ASCC3: variants seen among roughly 807,000 people sequenced by gnomAD.
The protein encoded by ASCC3 is ASC-1 complex subunit P200.
ASCC3 carries 158 observed loss-of-function variants against 256.3 expected under a neutral mutation model. The ratio of observed to expected loss-of-function variants is 0.62; its 90% CI spans 0.54 to 0.70. The LOEUF is 0.70. ASCC3 is among the 30% of genes least tolerant of loss of function. The probability of loss-of-function intolerance (pLI) is 0.00; values close to 1 mark genes in which losing one functional copy is unlikely to be tolerated. For missense variants in ASCC3, 2,259 were observed against 2,626.0 expected (o/e 0.86, Z 3.05); for synonymous variants, 948 against 883.4 (o/e 1.07, Z -1.30).
intron 2 of ASCC3, among the ~76,000 whole-genome samples, chr6:100,865,537 C>T (rs573643970): frequency 6.6e-6 from 1 of 152,066 alleles, no homozygotes; most frequent in South Asian, 2.1e-4. Context: ...AGAAGGTTAA[C>T]TGTTTTGTAT....
Position 100,518,287 on chromosome 6 carries a change from A to G in ASCC3, c.5776-145T>C, listed in dbSNP as rs1054564056. On this transcript the variant is annotated intron_variant, in intron 37 of 41. Coordinates refer to ENST00000369162, the MANE Select transcript of ASCC3 (RefSeq NM_006828.4). Reference sequence around the variant, plus strand: ...CTATTCATCAACATAGAAACCAGAAAATAAATCACAGTTGGATTGCAGGGA... The same window carrying G: ...CTATTCATCAACATAGAAACCAGAAGATAAATCACAGTTGGATTGCAGGGA... The G allele has an allele frequency of 4.4e-6, 4 of 909,574 alleles. No individual in the cohort carries two copies. In the African/African-American group the frequency reaches 6.6e-5, roughly 15 times the overall value. 56.3% of individuals were successfully genotyped at this position (909,574 alleles called of 1,614,324 possible).
chr6:100,856,993 ATAG>A (rs1448615618), intron 3 of ASCC3: 2 of 152,162 alleles, frequency 1.3e-5, no homozygotes, highest in Non-Finnish European at 2.9e-5. Context: ...ACAGTAGGTA[ATAG>A]TAGACACTGT....
Position 100,627,478 on chromosome 6 carries a change from C to T in ASCC3, c.4642+112G>A, listed in dbSNP as rs2134044. ...GTTGAGACAAACAGTTTTAGATATACGTAGAAGCTGGACCAGTATCATCCT... is the reference window on the plus strand; with the variant it reads ...GTTGAGACAAACAGTTTTAGATATATGTAGAAGCTGGACCAGTATCATCCT... On this transcript the variant is annotated intron_variant, in intron 29 of 41. Transcript: ENST00000369162. The T allele has an allele frequency of 3.4e-5, 47 of 1,367,856 alleles. No individual in the cohort carries two copies. In the Admixed American group the frequency reaches 5.3e-4, roughly 16 times the overall value. The allele number at this position is 1,367,856 out of a possible 1,614,324, so 84.7% of individuals were successfully genotyped here.
intron 4 of ASCC3, among the ~76,000 whole-genome samples, chr6:100,826,141 T>C (rs1234520079): frequency 6.6e-6 from 1 of 152,044 alleles, no homozygotes; most frequent in Non-Finnish European, 1.5e-5. Flanking sequence ...GTACTTTTTT[T>C]TTCATTTTTT....
At chr6:100,650,075 C>T (rs1048743789) in intron 20 of ASCC3, among the ~76,000 whole-genome samples, 5 of 151,550 alleles carry the variant, frequency 3.3e-5, no homozygotes, top group South Asian at 2.1e-4. Flanking sequence ...TCACACTGAA[C>T]GTATGGTAGG....
At chr6:100,631,250 A>G (rs1409847021) in intron 25 of ASCC3, 37 bp from the exon 26 acceptor site, 1 of 1,467,384 alleles carries the variant, frequency 6.8e-7, no homozygotes, top group East Asian at 2.3e-5. Flanking sequence ...ACTCTTATGA[A>G]AATAGTGATA....
At chr6:100,770,842 C>CTT (rs34601702) in intron 8 of ASCC3, among the ~76,000 whole-genome samples, 8 of 141,886 alleles carry the variant, frequency 5.6e-5, no homozygotes, top group East Asian at 2.1e-4. Flanking sequence ...CTTAAGATGT[C>CTT]TTTTTTTTTT....
intron 3 of ASCC3, among the ~76,000 whole-genome samples, chr6:100,853,873 C>G (rs995169224): frequency 6.6e-6 from 1 of 152,082 alleles, no homozygotes; most frequent in African/African-American, 2.4e-5. Context: ...TTTTCTTTTA[C>G]AAATATGTAA....
chr6:100,512,038 A>T (rs1773790514), intron 40 of ASCC3, among the ~76,000 whole-genome samples: 1 of 152,162 alleles, frequency 6.6e-6, no homozygotes, highest in Non-Finnish European at 1.5e-5. Flanking sequence ...CTGTGTACTA[A>T]TATTCTTAGA....
intron 36 of ASCC3, among the ~76,000 whole-genome samples, chr6:100,567,498 A>G (rs1247620520): frequency 6.6e-6 from 1 of 152,140 alleles, no homozygotes; most frequent in Non-Finnish European, 1.5e-5. Context: ...AGGTTTGGGT[A>G]TGAATGATTC....
At chr6:100,588,222 G>A (rs1454950006) in intron 36 of ASCC3, among the ~76,000 whole-genome samples, 1 of 152,152 alleles carries the variant, frequency 6.6e-6, no homozygotes, top group African/African-American at 2.4e-5. Flanking sequence ...TTAATTTAAA[G>A]TTCTTAATGT....
At chr6:100,677,357 CCCTAAGGT>C in intron 14 of ASCC3, among the ~76,000 whole-genome samples, 1 of 144,482 alleles carries the variant, frequency 6.9e-6, no homozygotes, top group South Asian at 2.3e-4. Flanking sequence ...AGACCCCATG[CCCTAAGGT>C]CTTCAGAAAG....
intron 27 of ASCC3, 73 bp from the exon 28 acceptor site, chr6:100,628,060 A>G: frequency 6.7e-7 from 1 of 1,491,654 alleles, no homozygotes; most frequent in Non-Finnish European, 9.3e-7. Flanking sequence ...CCACAAAAGG[A>G]AGAGTTTGTA....
intron 4 of ASCC3, among the ~76,000 whole-genome samples, chr6:100,808,929 A>G (rs1189262483): frequency 6.6e-6 from 1 of 151,968 alleles, no homozygotes; most frequent in Non-Finnish European, 1.5e-5. Flanking sequence ...AATGGTAAGT[A>G]TTGGTGTATC....
chr6:100,793,125 A>C (rs563002749), intron 8 of ASCC3, among the ~76,000 whole-genome samples: 1 of 152,132 alleles, frequency 6.6e-6, no homozygotes, highest in East Asian at 1.9e-4. Context: ...TAATTAACTG[A>C]TAGAACTAAA....
chr6:100,767,365 C>T lies in ASCC3; in HGVS notation c.1396-20G>A. On this transcript the variant is annotated intron_variant, in intron 8 of 41. Coordinates refer to ENST00000369162, the MANE Select transcript of ASCC3 (RefSeq NM_006828.4). ...TCCGATCTAAAAAAAAAAGGCATCA[C>T]CCATTATAAATAGTAACAATGTGAA... The T allele has an allele frequency of 1.2e-6, 2 of 1,605,070 alleles. No homozygotes were observed. The highest frequency in any genetic ancestry group is 1.7e-6 in the Non-Finnish European group (2 of 1,172,926).
At chr6:100,590,159 AT>A in intron 34 of ASCC3, 100 bp from the exon 35 acceptor site, 1 of 836,676 alleles carries the variant, frequency 1.2e-6, no homozygotes, top group South Asian at 1.5e-5. Flanking sequence ...ATCCCCTTTT[AT>A]TATAAAACCT....
At chr6:100,766,994 C>G in intron 9 of ASCC3, 151 bp downstream of exon 9, 4 of 868,604 alleles carry the variant, frequency 4.6e-6, no homozygotes, top group Non-Finnish European at 5.4e-6. Context: ...TAAGAACTGC[C>G]TTAATAGTAA....
At chr6:100,543,284 G>T (rs1775553814) in intron 36 of ASCC3, among the ~76,000 whole-genome samples, 1 of 152,046 alleles carries the variant, frequency 6.6e-6, no homozygotes, top group African/African-American at 2.4e-5. Context: ...TGGCAACAAA[G>T]AAAAGTCTAT....
Sources: gnomAD v4.1 joint callset for allele counts (sites outside exome capture counted in the v4.1 genomes callset) on GRCh38, gnomAD v4.1.1 for gene constraint, MANE v1.5 for transcripts, NCBI Gene and HGNC (gene_info 2026-07-23, HGNC 2026-07-21) for gene names.